Variants in ADAMTS17 observed in about 807,000 individuals in gnomAD.
ADAMTS17 encodes the protein A disintegrin and metalloproteinase with thrombospondin motifs 17.
A neutral mutation model predicts 141.5 loss-of-function variants in ADAMTS17; 113 were observed. The ratio of observed to expected loss-of-function variants is 0.80; its 90% CI spans 0.69 to 0.93. The LOEUF is 0.93. ADAMTS17 is among the 40% of genes least tolerant of loss of function. The pLI is 0.00. For synonymous variants in ADAMTS17, 768 were observed against 630.6 expected (o/e 1.22, Z -3.27); for missense variants, 1,659 against 1,517.9 (o/e 1.09, Z -1.54).
chr15:100,101,286 C>G (rs1013549097), intron 14 of ADAMTS17, among the ~76,000 whole-genome samples: 5 of 150,110 alleles, frequency 3.3e-5, no homozygotes, highest in Non-Finnish European at 7.4e-5. Flanking sequence ...CTTCTTCACA[C>G]ATACCAATCT....
intron 2 of ADAMTS17, among the ~76,000 whole-genome samples, chr15:100,333,991 T>C (rs1413241603): frequency 6.6e-6 from 1 of 152,242 alleles, no homozygotes; most frequent in Non-Finnish European, 1.5e-5. Flanking sequence ...GGATTTGGTA[T>C]GCTATACTAT....
chr15:100,056,046 G>A (rs1327494114), intron 15 of ADAMTS17, among the ~76,000 whole-genome samples: 1 of 152,150 alleles, frequency 6.6e-6, no homozygotes. Flanking sequence ...ATGTGCAAAG[G>A]TAAGGCCTGT....
chr15:100,151,106 G>A (rs1011646109), intron 10 of ADAMTS17, among the ~76,000 whole-genome samples: 9 of 152,174 alleles, frequency 5.9e-5, no homozygotes, highest in African/African-American at 1.9e-4. Context: ...CCCCATGGAG[G>A]TGTCCTTCAA....
intron 18 of ADAMTS17, among the ~76,000 whole-genome samples, chr15:100,013,554 T>A (rs1386033698): frequency 6.6e-6 from 1 of 152,210 alleles, no homozygotes; most frequent in East Asian, 1.9e-4. Flanking sequence ...TTGAGGTATG[T>A]CCCTCGCATG....
At chr15:100,076,171 T>C (rs2034361768) in intron 15 of ADAMTS17, among the ~76,000 whole-genome samples, 1 of 152,112 alleles carries the variant, frequency 6.6e-6, no homozygotes, top group African/African-American at 2.4e-5. Flanking sequence ...GCTTCCTTAG[T>C]AGCTGGGATT....
intron 10 of ADAMTS17, among the ~76,000 whole-genome samples, chr15:100,136,446 C>A (rs1177977575): frequency 5.9e-5 from 9 of 152,196 alleles, no homozygotes; most frequent in African/African-American, 2.4e-5. Context: ...ATTTTCACTA[C>A]TGAACAGATG....
intron 8 of ADAMTS17, among the ~76,000 whole-genome samples, chr15:100,164,772 G>A (rs1025020997): frequency 1.3e-5 from 2 of 152,150 alleles, no homozygotes; most frequent in Non-Finnish European, 2.9e-5. Flanking sequence ...AGAACAACAC[G>A]TCTGTTCTAG....
In ADAMTS17 at chr15:100,222,052, C is replaced by T. The variant is rs989791096; in HGVS notation, c.1076-22629G>A. 3.3e-5 allele frequency among the ~76,000 whole-genome samples: 5 copies of T among 152,294 alleles called. No homozygotes were observed. The South Asian group carries it at 1.0e-3, about 32-fold the overall frequency. On this transcript the variant is annotated intron_variant, in intron 7 of 21. Coordinates refer to ENST00000268070, the MANE Select transcript of ADAMTS17 (RefSeq NM_139057.4). ...AACCATTTTATTAAACGAAGTCACGCCTTAGCCTTAAGAGTGCTTTCATGG... is the reference window on the plus strand; with the variant it reads ...AACCATTTTATTAAACGAAGTCACGTCTTAGCCTTAAGAGTGCTTTCATGG...
chr15:100,242,136 T>G (rs1244066992), intron 7 of ADAMTS17, among the ~76,000 whole-genome samples: 6 of 152,124 alleles, frequency 3.9e-5, no homozygotes, highest in Non-Finnish European at 7.4e-5. Flanking sequence ...CAAACAAACA[T>G]TCTCCCTCAA....
intron 1 of ADAMTS17, 73 bp from the exon 2 acceptor site, chr15:100,341,482 C>T (rs1425604890): frequency 2.0e-6 from 2 of 1,001,576 alleles, no homozygotes; most frequent in African/African-American, 3.5e-5. Flanking sequence ...GGCCGCCAGC[C>T]GCGCCAGCGC....
intron 10 of ADAMTS17, among the ~76,000 whole-genome samples, chr15:100,144,660 A>G (rs1319173586): frequency 6.6e-6 from 1 of 152,156 alleles, no homozygotes; most frequent in African/African-American, 2.4e-5. Flanking sequence ...AACTTCCACT[A>G]GAACTTGAAG....
At chr15:100,084,311 G>T (rs2034948903) in intron 15 of ADAMTS17, among the ~76,000 whole-genome samples, 1 of 152,236 alleles carries the variant, frequency 6.6e-6, no homozygotes, top group African/African-American at 2.4e-5. Flanking sequence ...GTCCGCCATT[G>T]CCGAGGCTTG....
chr15:100,275,534 G>C (rs1483753781), intron 4 of ADAMTS17, among the ~76,000 whole-genome samples: 1 of 152,192 alleles, frequency 6.6e-6, no homozygotes, highest in African/African-American at 2.4e-5. Flanking sequence ...GAAAGGATGG[G>C]TTCCAGACAT....
chr15:100,235,905 G>A (rs2042638952), intron 7 of ADAMTS17, among the ~76,000 whole-genome samples: 1 of 152,192 alleles, frequency 6.6e-6, no homozygotes. Context: ...TAGCAGAGCT[G>A]GGATCTGAAC....
chr15:100,204,929 T>C (rs1046135545), intron 7 of ADAMTS17, among the ~76,000 whole-genome samples: 3 of 152,224 alleles, frequency 2.0e-5, no homozygotes, highest in Non-Finnish European at 2.9e-5. Context: ...TATGGTTTTC[T>C]GTGGACCGGG....
chr15:100,293,813 C>T (rs1269950583), intron 3 of ADAMTS17, among the ~76,000 whole-genome samples: 1 of 152,200 alleles, frequency 6.6e-6, no homozygotes, highest in African/African-American at 2.4e-5. Flanking sequence ...ATTCAATAGG[C>T]ATAGTTATTG....
chr15:100,069,901 C>G (rs2033844933), intron 15 of ADAMTS17, among the ~76,000 whole-genome samples: 1 of 150,114 alleles, frequency 6.7e-6, no homozygotes, highest in African/African-American at 2.5e-5. Flanking sequence ...CAATATTAAC[C>G]TTAAATGTAA....
intron 8 of ADAMTS17, among the ~76,000 whole-genome samples, chr15:100,159,252 T>C (rs1025323933): frequency 6.6e-6 from 1 of 152,210 alleles, no homozygotes; most frequent in Non-Finnish European, 1.5e-5. Context: ...CAATAAAATG[T>C]AGTCTATACA....
At chr15:100,022,253 C>T (rs2061419290) in intron 18 of ADAMTS17, among the ~76,000 whole-genome samples, 2 of 152,190 alleles carry the variant, frequency 1.3e-5, no homozygotes, top group South Asian at 4.1e-4. Context: ...ACAGAGCAGT[C>T]CAGGAGCTGC....
Sources: allele counts gnomAD v4.1 joint callset (sites outside exome capture counted in the v4.1 genomes callset), GRCh38; gene constraint gnomAD v4.1.1; transcripts MANE v1.5; gene names NCBI Gene and HGNC (gene_info 2026-07-23, HGNC 2026-07-21).